The following MELTF variants were observed in gnomAD, a reference collection of about 807,000 sequenced individuals.
MELTF encodes melanotransferrin.
Under a neutral mutation model 83.7 loss-of-function variants are expected in MELTF, and 67 were observed. The observed-to-expected ratio is 0.80, with a 90% confidence interval of 0.66 to 0.98. MELTF has a LOEUF of 0.98. Among genes scored for constraint, MELTF ranks in the 50% least tolerant of loss-of-function variants. The pLI is 0.00. For missense variants in MELTF, 1,002 were observed against 1,035.6 expected, an observed-to-expected ratio of 0.97 and a Z score of 0.44; for synonymous variants, 462 against 447.6, an observed-to-expected ratio of 1.03 and a Z score of -0.41.
At chr3:197,027,413 C>G (rs1287646930) in intron 2 of MELTF, among the ~76,000 whole-genome samples, 1 of 152,256 alleles carries the variant, frequency 6.6e-6, no homozygotes, top group African/African-American at 2.4e-5. Context: ...CACACAAGCC[C>G]CATTCTGGAG....
Position 197,002,043 on chromosome 3 carries a change from C to T in MELTF, c.*1329G>A, listed in dbSNP as rs1055568615. The T allele has an allele frequency of 6.6e-6, 1 of 152,274 alleles. No homozygotes were observed. Among genetic ancestry groups the T allele is most frequent in the Non-Finnish European group, 1.5e-5 (1 of 68,086 alleles). The allele number at this position is 152,274 out of a possible 1,614,324, so 9.4% of individuals were successfully genotyped here. A position where few individuals can be genotyped will look rare whatever the true frequency, so the allele number is the denominator to read the frequency against. On this transcript the variant is annotated 3_prime_UTR_variant, in exon 16 of 16. Coordinates refer to ENST00000296350, the MANE Select transcript of MELTF (RefSeq NM_005929.6). ...GCGAGAGGGGACAAAGCTTGGTGGC[C>T]GAGGCCCAGGTCCTTGTGGCCCCTC... is the stretch of plus-strand genomic sequence containing the variant.
At chr3:197,023,469 A>T (rs1014029172) in intron 4 of MELTF, among the ~76,000 whole-genome samples, 1 of 152,196 alleles carries the variant, frequency 6.6e-6, no homozygotes, top group African/African-American at 2.4e-5. Context: ...GGAAATAAAG[A>T]ATTATTGAAG....
In MELTF at chr3:197,008,666, T is replaced by C. The variant is rs202237995; in HGVS notation, c.1741A>G (p.Asn581Asp). Residue 581 changes from asparagine to aspartate, a missense_variant, in exon 13 of 16, where the codon AAC becomes GAC. Physicochemically the swap from Asn to Asp is conservative, Grantham distance 23. Transcript: ENST00000296350. This position sits in a 1 kb window ranked among gnomAD's most constrained non-coding sequence, Gnocchi z 5.4. Reference protein sequence around the residue: ...AFVRHTTVFDNTNGHNSEPWA... With the variant: ...AFVRHTTVFDDTNGHNSEPWA... ...TCTTGCCCCCACCTACCGTTTGTGTTGTCAAAGACGGTTGTGTGCCTGACG... is the reference window on the plus strand; with the variant it reads ...TCTTGCCCCCACCTACCGTTTGTGTCGTCAAAGACGGTTGTGTGCCTGACG... 1.7e-5 allele frequency: 28 copies of C among 1,613,854 alleles called. No individual in the cohort carries two copies. Among genetic ancestry groups the C allele is most frequent in the Non-Finnish European group, 2.4e-5 (28 of 1,179,954 alleles).
chr3:197,023,656 A>T (rs1249715635), intron 4 of MELTF, among the ~76,000 whole-genome samples: 4 of 151,504 alleles, frequency 2.6e-5, no homozygotes, highest in Non-Finnish European at 5.9e-5. Flanking sequence ...TGCTGCTGGC[A>T]CCTGAGCCAG....
At chr3:197,013,165 C>T (rs891159346) in intron 9 of MELTF, among the ~76,000 whole-genome samples, 13 of 152,160 alleles carry the variant, frequency 8.5e-5, no homozygotes, top group Non-Finnish European at 1.0e-4. Flanking sequence ...GGCATAGAAA[C>T]GGACATATAG....
rs1228223365 is a variant in MELTF, at chr3:197,006,200, C to T, written c.1938+349G>A. Reference sequence around the variant, plus strand: ...AGTGCCACTGCACTCCAGCCTGGGGCGACAGAGTAAGACTCCGTCTCAAAA... The same window carrying T: ...AGTGCCACTGCACTCCAGCCTGGGGTGACAGAGTAAGACTCCGTCTCAAAA... On this transcript the variant is annotated intron_variant, in intron 14 of 15. Transcript: ENST00000296350. The surrounding 1 kb of genome is among the most constrained non-coding windows in gnomAD (Gnocchi z 5.4). Among the ~76,000 whole-genome samples the T allele has an allele frequency of 1.3e-5, 2 of 149,752 alleles. No individual in the cohort carries two copies. The highest frequency in any genetic ancestry group is 2.1e-4 in the South Asian group (1 of 4,740).
Position 197,012,572 on chromosome 3 carries a change from T to C in MELTF, c.1234-1778A>G, listed in dbSNP as rs557177813. Among the ~76,000 whole-genome samples, 6 of 152,388 alleles carry C rather than the reference T, an allele frequency of 3.9e-5. No homozygotes were observed. The East Asian group carries it at 1.2e-3, about 29-fold the overall frequency. ...GAGGGGCCTGTGCTTGGGGACCCCC[T>C]GAGCAGGCCCCACCTACTTGCTCTG... is the stretch of plus-strand genomic sequence containing the variant. On this transcript the variant is annotated intron_variant, in intron 9 of 15. Coordinates refer to ENST00000296350, the MANE Select transcript of MELTF (RefSeq NM_005929.6).
rs1359086713 is a variant in MELTF, at chr3:197,008,721, G to A, written c.1686C>T (p.Cys562=). 6.2e-7 allele frequency: 1 copy of A among 1,614,042 alleles called. No individual in the cohort carries two copies. The highest frequency in any genetic ancestry group is 1.1e-5 in the South Asian group (1 of 91,074). Residue 562 remains cysteine (C), a synonymous_variant, in exon 13 of 16, where the codon TGC becomes TGT. Transcript: ENST00000296350. The surrounding 1 kb of genome is among the most constrained non-coding windows in gnomAD (Gnocchi z 5.4). ...RYYGYRGAFR[C]LVENAGDVAF... Reference sequence around the variant, plus strand: ...CAACGTCACCCGCATTCTCCACCAGGCACCTGCCACACAGAGGGCAGGGCA... The same window carrying A: ...CAACGTCACCCGCATTCTCCACCAGACACCTGCCACACAGAGGGCAGGGCA...
At chr3:197,009,852 A>G (rs1352041441) in intron 10 of MELTF, 40 bp from the exon 11 acceptor site, 1 of 1,579,436 alleles carries the variant, frequency 6.3e-7, no homozygotes, top group Non-Finnish European at 8.7e-7. Flanking sequence ...CCCTCATCTG[A>G]GAGCCCGGGC....
rs1719040588 is a variant in MELTF at position 197,008,014 on chromosome 3, A to C, written c.1750+643T>G. Among the ~76,000 whole-genome samples the C allele has an allele frequency of 6.6e-6, 1 of 152,192 alleles. No individual in the cohort carries two copies. Among genetic ancestry groups the C allele is most frequent in the Non-Finnish European group, 1.5e-5 (1 of 68,038 alleles). ...TGGAGGAAAACAGCCTCTAGTCTTC[A>C]AAACGGACACAGATTCCTTCACGGA... On this transcript the variant is annotated intron_variant, in intron 13 of 15. Coordinates refer to ENST00000296350, the MANE Select transcript of MELTF (RefSeq NM_005929.6). The surrounding 1 kb of genome is among the most constrained non-coding windows in gnomAD (Gnocchi z 5.4).
Position 197,008,407 on chromosome 3 carries a change from C to G in MELTF, c.1750+250G>C, listed in dbSNP as rs549825681. 6.6e-6 allele frequency among the ~76,000 whole-genome samples: 1 copy of G among 152,126 alleles called. No homozygotes were observed. The highest frequency in any genetic ancestry group is 1.5e-5 in the Non-Finnish European group (1 of 68,004). On this transcript the variant is annotated intron_variant, in intron 13 of 15. Transcript: ENST00000296350. The surrounding 1 kb of genome is among the most constrained non-coding windows in gnomAD (Gnocchi z 5.4). ...GACTGGGATTGAGTTTCTACCGTTT[C>G]GGTGGATTAGGGACTTGAATTCCAG...
In MELTF at chr3:197,023,481, T is replaced by C. The variant is rs1719712525; in HGVS notation, c.488-368A>G. On this transcript the variant is annotated intron_variant, in intron 4 of 15. Transcript: ENST00000296350. ...AGGGGAAATAAAGAATTATTGAAGATCACTGATGGGTAGACAACCCTTCTC... is the reference window on the plus strand; with the variant it reads ...AGGGGAAATAAAGAATTATTGAAGACCACTGATGGGTAGACAACCCTTCTC... Among the ~76,000 whole-genome samples the C allele has an allele frequency of 2.6e-5, 4 of 152,264 alleles. No homozygotes were observed. The South Asian group carries it at 8.3e-4, about 32-fold the overall frequency.
At chr3:197,027,073 C>T in intron 2 of MELTF, 1 of 356,346 alleles carries the variant, frequency 2.8e-6, no homozygotes, top group South Asian at 3.2e-5. Flanking sequence ...GCTTTCTGTC[C>T]CTCCACCCTG....
chr3:197,009,884 C>A, intron 10 of MELTF, 72 bp from the exon 11 acceptor site: 1 of 1,349,534 alleles, frequency 7.4e-7, no homozygotes, highest in South Asian at 1.2e-5. Flanking sequence ...GGGGTCCTTC[C>A]TTCAAACCCA....
chr3:197,003,924 G>T lies in MELTF; in HGVS notation c.2114C>A (p.Ser705Ter). Residue 705 changes from serine (S) to a stop codon, truncating the protein, a stop_gained, in exon 15 of 16, where the codon TCG (serine) becomes TAG (stop). Transcript: ENST00000296350. LOFTEE classifies it low-confidence loss of function (END_TRUNC). The surrounding 1 kb of genome is among the most constrained non-coding windows in gnomAD (Gnocchi z 6.2). ...ACCTGCGCCCGAGCACTGCTGAGAC[G>T]ACATCCCTTCCAGCGCCGCCACGTA... ...LDYVAALEGM[S>*]SQQCSGAAAP... The T allele has an allele frequency of 1.2e-6, 2 of 1,613,876 alleles. No individual in the cohort carries two copies. Among genetic ancestry groups the T allele is most frequent in the Non-Finnish European group, 1.7e-6 (2 of 1,179,992 alleles).
intron 10 of MELTF, 139 bp from the exon 11 acceptor site, chr3:197,009,951 C>A: frequency 1.2e-6 from 1 of 801,264 alleles, no homozygotes; most frequent in Non-Finnish European, 2.0e-6. Context: ...AGGCCTGAGG[C>A]CAGGGTGTTC....
At chr3:197,013,465 A>T (rs1370105165) in intron 9 of MELTF, among the ~76,000 whole-genome samples, 9 of 152,230 alleles carry the variant, frequency 5.9e-5, no homozygotes. Flanking sequence ...GTCTGAGAAA[A>T]GATTTTATGA....
chr3:197,003,198 G>C lies in MELTF; in HGVS notation c.*174C>G. 2 of 673,204 alleles carry C rather than the reference G, an allele frequency of 3.0e-6. No individual in the cohort carries two copies. The highest frequency in any genetic ancestry group is 3.7e-6 in the Non-Finnish European group (2 of 540,090). The allele number at this position is 673,204 out of a possible 1,614,324, so 41.7% of individuals were successfully genotyped here. On this transcript the variant is annotated 3_prime_UTR_variant, in exon 16 of 16. Coordinates refer to ENST00000296350, the MANE Select transcript of MELTF (RefSeq NM_005929.6). The surrounding 1 kb of genome is among the most constrained non-coding windows in gnomAD (Gnocchi z 6.2). Reference sequence around the variant, plus strand: ...GAAGGGCCGCGCGGGCCCGGGGGCGGCGCCTCAGGTAGCAGCGCCAGGTGG... The same window carrying C: ...GAAGGGCCGCGCGGGCCCGGGGGCGCCGCCTCAGGTAGCAGCGCCAGGTGG...
Position 197,024,166 on chromosome 3 carries a change from G to T in MELTF, c.487+137C>A, listed in dbSNP as rs1266660750. ...GTGGAGGCGGGGGAGGCACGGGGCGGGCGGGGGCTGCTGCGCCTTCCAGGA... is the reference window on the plus strand; with the variant it reads ...GTGGAGGCGGGGGAGGCACGGGGCGTGCGGGGGCTGCTGCGCCTTCCAGGA... On this transcript the variant is annotated intron_variant, in intron 4 of 15. Transcript: ENST00000296350. The surrounding 1 kb of genome is among the most constrained non-coding windows in gnomAD (Gnocchi z 5.3). The T allele has an allele frequency of 1.1e-6, 1 of 933,426 alleles. No individual in the cohort carries two copies. The highest frequency in any genetic ancestry group is 1.7e-5 in the South Asian group (1 of 58,108). The allele number at this position is 933,426 out of a possible 1,614,324, so 57.8% of individuals were successfully genotyped here.
Sources: allele counts gnomAD v4.1 joint callset (sites outside exome capture counted in the v4.1 genomes callset), GRCh38; gene constraint gnomAD v4.1.1; non-coding constraint Gnocchi (gnomAD v3.1); transcripts MANE v1.5; gene names NCBI Gene and HGNC (gene_info 2026-07-23, HGNC 2026-07-21).